Variants in SLC49A4 observed in about 807,000 individuals in gnomAD.
The protein encoded by SLC49A4 is disrupted in renal cancer protein 2.
A neutral mutation model predicts 50.6 loss-of-function variants in SLC49A4; 36 were observed. That is an observed-to-expected ratio of 0.71 (90% CI 0.55 to 0.94). The LOEUF (loss-of-function observed/expected upper bound fraction) is 0.94, where lower values mean the gene tolerates loss of function less well. Among genes scored for constraint, SLC49A4 ranks in the 40% least tolerant of loss-of-function variants. The probability of loss-of-function intolerance (pLI) is 0.00; values close to 1 mark genes in which losing one functional copy is unlikely to be tolerated. For synonymous variants in SLC49A4, 248 were observed against 241.2 expected (o/e 1.03, Z -0.26); for missense variants, 503 against 605.7 (o/e 0.83, Z 1.78).
chr3:122,872,453 T>C lies in SLC49A4; in HGVS notation c.1177T>C (p.Leu393=). The C allele has an allele frequency of 2.5e-6, 4 of 1,613,886 alleles. No homozygotes were observed. Among genetic ancestry groups the C allele is most frequent in the Non-Finnish European group, 3.4e-6 (4 of 1,179,926 alleles). The change falls in exon 8 of 9, where the codon TTG becomes CTG. Residue 393 remains leucine, a synonymous_variant. Coordinates refer to ENST00000261038, the MANE Select transcript of SLC49A4 (RefSeq NM_032839.3). ...CTCCTGTATTCTCCTGGGAGTGTTC[T>C]TGAATAGCAGCGTGCCTATATTTTT... is the stretch of plus-strand genomic sequence containing the variant. ...YASCILLGVF[L]NSSVPIFFEL...
intron 5 of SLC49A4, among the ~76,000 whole-genome samples, chr3:122,854,562 C>T (rs917572071): frequency 1.3e-5 from 2 of 152,180 alleles, no homozygotes; most frequent in Non-Finnish European, 1.5e-5. Context: ...TGGGCAGCTA[C>T]GTCCAGATTG....
chr3:122,864,031 G>A (rs1937086191), intron 7 of SLC49A4, among the ~76,000 whole-genome samples: 1 of 152,142 alleles, frequency 6.6e-6, no homozygotes, highest in Non-Finnish European at 1.5e-5. Context: ...TGGGATTACA[G>A]GAGTGAGTCA....
At chr3:122,853,483 G>T (rs927406136) in intron 5 of SLC49A4, among the ~76,000 whole-genome samples, 3 of 152,232 alleles carry the variant, frequency 2.0e-5, no homozygotes, top group African/African-American at 7.2e-5. Context: ...TTTTGACTGG[G>T]TATGGTGGCT....
chr3:122,844,789 A>AC (rs1224034644), intron 4 of SLC49A4, among the ~76,000 whole-genome samples: 8 of 152,134 alleles, frequency 5.3e-5, no homozygotes, highest in Non-Finnish European at 8.8e-5. Flanking sequence ...TCTTCAAAAA[A>AC]AAAAAAAATT....
intron 2 of SLC49A4, among the ~76,000 whole-genome samples, chr3:122,823,985 A>C (rs573630055): frequency 2.0e-5 from 3 of 152,274 alleles, no homozygotes; most frequent in African/African-American, 7.2e-5. Context: ...GGACGCTAGG[A>C]TATAAGTGTC....
intron 2 of SLC49A4, among the ~76,000 whole-genome samples, chr3:122,809,951 T>C (rs969883179): frequency 6.6e-5 from 10 of 152,214 alleles, no homozygotes; most frequent in African/African-American, 2.4e-4. Flanking sequence ...GCTGTTAAAA[T>C]GAAAATGCTA....
At chr3:122,820,081 A>G (rs1042096911) in intron 2 of SLC49A4, among the ~76,000 whole-genome samples, 9 of 152,182 alleles carry the variant, frequency 5.9e-5, no homozygotes, top group Admixed American at 5.9e-4. Context: ...GTCATAATAA[A>G]CTAGAGGTTT....
intron 5 of SLC49A4, among the ~76,000 whole-genome samples, chr3:122,847,437 T>G (rs1043908119): frequency 6.7e-6 from 1 of 150,150 alleles, no homozygotes; most frequent in Admixed American, 6.7e-5. Flanking sequence ...AAGCTCTGAC[T>G]CCCGGGTTCA....
At chr3:122,822,118 A>T (rs757753142) in intron 2 of SLC49A4, among the ~76,000 whole-genome samples, 2 of 152,194 alleles carry the variant, frequency 1.3e-5, no homozygotes, top group Non-Finnish European at 2.9e-5. Flanking sequence ...ACTTTTACCT[A>T]GCAAAACAAA....
chr3:122,818,460 C>A lies in SLC49A4; in HGVS notation c.438-8340C>A, dbSNP rs78665814. Among the ~76,000 whole-genome samples, 1,077 of 152,012 alleles carry A rather than the reference C, an allele frequency of 7.1e-3. 5 individuals are homozygous for A. Among genetic ancestry groups the A allele is most frequent in the African/African-American group, 0.022 (929 of 41,458 alleles). On this transcript the variant is annotated intron_variant, in intron 2 of 8. Coordinates refer to ENST00000261038, the MANE Select transcript of SLC49A4 (RefSeq NM_032839.3). ...GATTTTTTTTCTTCTTTATGCATTT[C>A]TTTTCAAAATTTTCTACTATGAATA... is the stretch of plus-strand genomic sequence containing the variant.
rs1160451519 is a variant in SLC49A4, at chr3:122,807,378, A to G, written c.437+428A>G. 3.3e-5 allele frequency among the ~76,000 whole-genome samples: 5 copies of G among 152,224 alleles called. No homozygotes were observed. The East Asian group carries it at 7.7e-4, about 24-fold the overall frequency. ...AATGATGAGTAGAATGTTGGTAACT[A>G]TAGTCAGGGGAAGGGTATTCCAGGA... On this transcript the variant is annotated intron_variant, in intron 2 of 8. Coordinates refer to ENST00000261038, the MANE Select transcript of SLC49A4 (RefSeq NM_032839.3).
Position 122,795,511 on chromosome 3 carries a change from T to C in SLC49A4, c.319T>C (p.Phe107Leu). Residue 107 changes from phenylalanine (F) to leucine (L), a missense_variant, in exon 1 of 9, where the codon TTC (phenylalanine) becomes CTC (leucine). By Grantham distance (22) the Phe-to-Leu change is conservative. Coordinates refer to ENST00000261038, the MANE Select transcript of SLC49A4 (RefSeq NM_032839.3). ...GPIGFLPCFA[F>L]MWLLDKRGLR... ...CATCGGCTTCCTGCCCTGCTTCGCG[T>C]TCATGTGGCTCCTGGACAAGAGAGG... 1.2e-6 allele frequency: 2 copies of C among 1,600,936 alleles called. No individual in the cohort carries two copies. The highest frequency in any genetic ancestry group is 1.7e-6 in the Non-Finnish European group (2 of 1,178,262).
chr3:122,843,496 A>G (rs754796099), intron 4 of SLC49A4, among the ~76,000 whole-genome samples: 9 of 152,230 alleles, frequency 5.9e-5, no homozygotes, highest in Non-Finnish European at 1.3e-4. Flanking sequence ...CTTTTAAATA[A>G]TAATTTGCTA....
At chr3:122,876,230 A>G (rs541684348) in intron 8 of SLC49A4, among the ~76,000 whole-genome samples, 8 of 152,314 alleles carry the variant, frequency 5.3e-5, no homozygotes, top group Non-Finnish European at 7.4e-5. Context: ...GTGCTCTGCA[A>G]TGTATTCTGT....
chr3:122,878,028 G>GA (rs1937286748), intron 8 of SLC49A4, among the ~76,000 whole-genome samples: 1 of 152,030 alleles, frequency 6.6e-6, no homozygotes, highest in African/African-American at 2.4e-5. Context: ...GCATATTACA[G>GA]AAAAAAAGGT....
intron 2 of SLC49A4, among the ~76,000 whole-genome samples, chr3:122,821,700 C>T (rs571850256): frequency 6.6e-6 from 1 of 152,192 alleles, no homozygotes; most frequent in Non-Finnish European, 1.5e-5. Flanking sequence ...ACACTCCTAA[C>T]TTCTGCCCAC....
At chr3:122,870,612 C>T (rs974727048) in intron 7 of SLC49A4, among the ~76,000 whole-genome samples, 7 of 150,200 alleles carry the variant, frequency 4.7e-5, no homozygotes, top group Non-Finnish European at 7.4e-5. Context: ...AGTTCGAGAC[C>T]AGCCTGGCCA....
intron 5 of SLC49A4, among the ~76,000 whole-genome samples, chr3:122,849,284 A>G (rs923711946): frequency 6.6e-6 from 1 of 152,140 alleles, no homozygotes; most frequent in Non-Finnish European, 1.5e-5. Flanking sequence ...TCTTTTTCAT[A>G]TACTGATTTT....
At chr3:122,833,260 G>T in intron 3 of SLC49A4, 57 bp from the exon 4 acceptor site, 1 of 1,548,298 alleles carries the variant, frequency 6.5e-7, no homozygotes, top group African/African-American at 1.4e-5. Context: ...ATAAATACTT[G>T]AAGTCTTCAA....
Sources: gnomAD v4.1 joint callset for allele counts (sites outside exome capture counted in the v4.1 genomes callset) on GRCh38, gnomAD v4.1.1 for gene constraint, MANE v1.5 for transcripts, NCBI Gene and HGNC (gene_info 2026-07-23, HGNC 2026-07-21) for gene names.